The following SRGAP1 variants were observed in gnomAD, a reference collection of about 807,000 sequenced individuals.
The protein encoded by SRGAP1 is SLIT-ROBO Rho GTPase-activating protein 1.
SRGAP1 carries 43 observed loss-of-function variants against 121.9 expected under a neutral mutation model. That is an observed-to-expected ratio of 0.35 (90% CI 0.28 to 0.46). The LOEUF (loss-of-function observed/expected upper bound fraction) is 0.46. SRGAP1 is among the 20% of genes least tolerant of loss of function. The pLI, the probability that SRGAP1 is intolerant of heterozygous loss-of-function variation, is 1.00. For synonymous variants in SRGAP1, 447 were observed against 485.4 expected, an observed-to-expected ratio of 0.92 and a Z score of 1.04; for missense variants, 1,102 against 1,350.9, an observed-to-expected ratio of 0.82 and a Z score of 2.89.
intron 3 of SRGAP1, among the ~76,000 whole-genome samples, chr12:63,995,921 C>G (rs1199424311): frequency 6.6e-6 from 1 of 151,312 alleles, no homozygotes; most frequent in African/African-American, 2.4e-5. Flanking sequence ...GCTGTAGTTT[C>G]AAATACACCA....
chr12:64,064,300 A>G (rs2136538591), intron 7 of SRGAP1, among the ~76,000 whole-genome samples: 1 of 152,350 alleles, frequency 6.6e-6, no homozygotes, highest in South Asian at 2.1e-4. Flanking sequence ...AGCCAAGAGC[A>G]TTTCTAAAAC....
chr12:64,101,053 G>A (rs996107715), intron 15 of SRGAP1, among the ~76,000 whole-genome samples: 3 of 152,094 alleles, frequency 2.0e-5, no homozygotes, highest in Admixed American at 6.6e-5. Context: ...ATAAATGCAG[G>A]CTAAGTTAAT....
intron 6 of SRGAP1, among the ~76,000 whole-genome samples, chr12:64,044,822 A>G (rs1376853660): frequency 1.3e-5 from 2 of 151,770 alleles, no homozygotes; most frequent in East Asian, 3.9e-4. Flanking sequence ...CTGGGACTAC[A>G]GGCACATGCT....
intron 1 of SRGAP1, among the ~76,000 whole-genome samples, chr12:63,855,724 A>G (rs1186465172): frequency 6.6e-6 from 1 of 151,732 alleles, no homozygotes; most frequent in Non-Finnish European, 1.5e-5. Flanking sequence ...CCTGGGCTCA[A>G]GTGATTGCCC....
intron 3 of SRGAP1, among the ~76,000 whole-genome samples, chr12:63,990,386 G>C (rs1428513991): frequency 6.6e-6 from 1 of 152,116 alleles, no homozygotes; most frequent in African/African-American, 2.4e-5. Flanking sequence ...ACAGAAATTA[G>C]CTGGGCGTGG....
chr12:64,130,141 G>T (rs1277685440), intron 21 of SRGAP1, among the ~76,000 whole-genome samples: 1 of 152,178 alleles, frequency 6.6e-6, no homozygotes, highest in Non-Finnish European at 1.5e-5. Flanking sequence ...CGCCCTAATG[G>T]ATCTCCTGTA....
At chr12:64,020,843 C>CAAAAAAAAAAAAA (rs34144761) in intron 4 of SRGAP1, among the ~76,000 whole-genome samples, 4 of 70,052 alleles carry the variant, frequency 5.7e-5, no homozygotes, top group African/African-American at 1.1e-4. Context: ...GACTCCGTCT[C>CAAAAAAAAAAAAA]AAAAAAAAAA....
At chr12:64,012,471 T>C (rs2034278267) in intron 3 of SRGAP1, among the ~76,000 whole-genome samples, 2 of 152,010 alleles carry the variant, frequency 1.3e-5, no homozygotes, top group South Asian at 2.1e-4. Context: ...TTAATACTTA[T>C]ATTATTTTTC....
chr12:63,914,545 C>A (rs2030694640), intron 1 of SRGAP1, among the ~76,000 whole-genome samples: 1 of 152,138 alleles, frequency 6.6e-6, no homozygotes, highest in African/African-American at 2.4e-5. Context: ...TCCGTGTGAA[C>A]AAAATGGGAT....
intron 1 of SRGAP1, among the ~76,000 whole-genome samples, chr12:63,866,424 ACAT>A (rs1182520628): frequency 5.3e-5 from 8 of 152,232 alleles, no homozygotes; most frequent in African/African-American, 1.9e-4. Flanking sequence ...TTTTTGTCTA[ACAT>A]CATTTCCATT....
At chr12:64,121,766 C>T (rs2036609303) in intron 18 of SRGAP1, among the ~76,000 whole-genome samples, 1 of 152,206 alleles carries the variant, frequency 6.6e-6, no homozygotes, top group Non-Finnish European at 1.5e-5. Context: ...TGCCTTTTAC[C>T]TCTTGACTAT....
chr12:63,885,491 A>G (rs1900348246), intron 1 of SRGAP1, among the ~76,000 whole-genome samples: 1 of 152,214 alleles, frequency 6.6e-6, no homozygotes, highest in Non-Finnish European at 1.5e-5. Flanking sequence ...TTACATAGGC[A>G]TGATTGACAA....
chr12:64,116,658 T>C (rs1050717153), intron 18 of SRGAP1, among the ~76,000 whole-genome samples: 3 of 152,208 alleles, frequency 2.0e-5, no homozygotes, highest in Non-Finnish European at 4.4e-5. Context: ...GTCAGGTATT[T>C]TCTACTCGTT....
intron 8 of SRGAP1, 56 bp from the exon 9 acceptor site, chr12:64,078,863 G>A: frequency 6.4e-7 from 1 of 1,570,536 alleles, no homozygotes. Flanking sequence ...GACTCTCCCT[G>A]TTTGTGGGAT....
intron 1 of SRGAP1, among the ~76,000 whole-genome samples, chr12:63,915,384 C>T (rs1466324096): frequency 6.6e-6 from 1 of 152,150 alleles, no homozygotes; most frequent in Non-Finnish European, 1.5e-5. Context: ...TTCTAATGGA[C>T]TGCCAAATGT....
intron 8 of SRGAP1, among the ~76,000 whole-genome samples, chr12:64,067,057 C>T (rs945653511): frequency 6.6e-6 from 1 of 151,900 alleles, no homozygotes; most frequent in African/African-American, 2.4e-5. Context: ...TCTGGCCACT[C>T]TGGCCCTGCA....
intron 10 of SRGAP1, chr12:64,082,001 CTTTTTTTTTTT>C: frequency 3.0e-5 from 2 of 66,124 alleles, no homozygotes; most frequent in Non-Finnish European, 5.0e-5. Context: ...CATGTAAGGT[CTTTTTTTTTTT>C]TTTTTTTTTT....
chr12:64,101,473 C>G (rs1183419413), intron 15 of SRGAP1, among the ~76,000 whole-genome samples: 3 of 152,060 alleles, frequency 2.0e-5, no homozygotes, highest in Admixed American at 2.0e-4. Flanking sequence ...AAAATATGCA[C>G]TATTTGTTCC....
At chr12:64,022,332 T>A (rs377305123) in intron 4 of SRGAP1, among the ~76,000 whole-genome samples, 1 of 152,160 alleles carries the variant, frequency 6.6e-6, no homozygotes. Flanking sequence ...GCCAATGGTG[T>A]AAGTTCCAAT....
Sources: gnomAD v4.1 joint callset for allele counts (sites outside exome capture counted in the v4.1 genomes callset) on GRCh38, gnomAD v4.1.1 for gene constraint, MANE v1.5 for transcripts, NCBI Gene and HGNC (gene_info 2026-07-23, HGNC 2026-07-21) for gene names.